Variants in RAMP1 observed in about 807,000 individuals in gnomAD.
The protein encoded by RAMP1 is receptor activity-modifying protein 1.
RAMP1 carries 7 observed loss-of-function variants against 8.2 expected under a neutral mutation model. That is an observed-to-expected ratio of 0.85 (90% CI 0.49 to 1.60). RAMP1 has a LOEUF of 1.60. Ranked by LOEUF, RAMP1 falls within the 40% of genes most tolerant of loss-of-function variation. The probability of loss-of-function intolerance (pLI) is 0.00; values close to 1 mark genes in which losing one functional copy is unlikely to be tolerated. For synonymous variants in RAMP1, 92 were observed against 84.7 expected (o/e 1.09, Z -0.47); for missense variants, 192 against 202.4 (o/e 0.95, Z 0.31).
rs1431117104 is a variant in RAMP1 at position 237,862,034 on chromosome 2, A to G, written c.52+2307A>G. Among the ~76,000 whole-genome samples, 1 of 152,056 alleles carries G rather than the reference A, an allele frequency of 6.6e-6. No homozygotes were observed. The highest frequency in any genetic ancestry group is 1.9e-4 in the East Asian group (1 of 5,194). ...CCCCTGGTTTTTCGAGTCCATCTTC[A>G]CTCAGGGAATGCTGGCTGGTGCTGT... On this transcript the variant is annotated intron_variant, in intron 1 of 2. Transcript: ENST00000254661. This position sits in a 1 kb window ranked among gnomAD's most constrained non-coding sequence, Gnocchi z 4.0.
At position 237,878,294 on chromosome 2, in the gene RAMP1, G is replaced by A. The variant is rs1160768381; in HGVS notation, c.191+932G>A. ...CCCTGGGGACTGGTGGGGAGGGCCAGGGGCAGGGAGGAGGGCCTCGGGAGG... is the reference window on the plus strand; with the variant it reads ...CCCTGGGGACTGGTGGGGAGGGCCAAGGGCAGGGAGGAGGGCCTCGGGAGG... On this transcript the variant is annotated intron_variant, in intron 2 of 2. Transcript: ENST00000254661. The surrounding 1 kb of genome is among the most constrained non-coding windows in gnomAD (Gnocchi z 5.7). Among the ~76,000 whole-genome samples the A allele has an allele frequency of 6.6e-6, 1 of 152,220 alleles. No homozygotes were observed. Among genetic ancestry groups the A allele is most frequent in the Non-Finnish European group, 1.5e-5 (1 of 68,026 alleles).
intron 2 of RAMP1, among the ~76,000 whole-genome samples, chr2:237,898,361 G>A (rs937982840): frequency 6.6e-6 from 1 of 152,158 alleles, no homozygotes; most frequent in Non-Finnish European, 1.5e-5. Flanking sequence ...GACTTCTAAT[G>A]CTTGGCCTTT....
intron 2 of RAMP1, among the ~76,000 whole-genome samples, chr2:237,905,080 A>G (rs949134640): frequency 6.6e-6 from 1 of 152,172 alleles, no homozygotes; most frequent in Admixed American, 6.5e-5. Flanking sequence ...GGATTCAGGA[A>G]CATTCCAAGC....
In RAMP1 at chr2:237,907,510, CT is replaced by C. The variant is rs1016222126; in HGVS notation, c.192-4010del. Among the ~76,000 whole-genome samples the C allele has an allele frequency of 3.3e-5, 5 of 151,838 alleles. No homozygotes were observed. In the Admixed American group the frequency reaches 3.3e-4, roughly 10 times the overall value. ...TCTTGGATGCTCTGGTTTTCCCTCA[CT>C]TTTTTTTCTCTTTGTGTTCCAGTTT... On this transcript the variant is annotated intron_variant, in intron 2 of 2. Transcript: ENST00000254661.
chr2:237,898,382 G>C (rs2062563538), intron 2 of RAMP1, among the ~76,000 whole-genome samples: 1 of 152,106 alleles, frequency 6.6e-6, no homozygotes, highest in Non-Finnish European at 1.5e-5. Context: ...TCCCTAGTTT[G>C]ATTGTACTCT....
chr2:237,882,600 C>T (rs933678770), intron 2 of RAMP1, among the ~76,000 whole-genome samples: 1 of 152,180 alleles, frequency 6.6e-6, no homozygotes, highest in African/African-American at 2.4e-5. Context: ...GGTGCTGCCT[C>T]CGTCCTGGCG....
intron 1 of RAMP1, among the ~76,000 whole-genome samples, chr2:237,867,970 TC>T (rs1417740551): frequency 1.3e-5 from 2 of 152,046 alleles, no homozygotes; most frequent in Non-Finnish European, 2.9e-5. Flanking sequence ...GGGGCCAGGC[TC>T]CTTTTCATGG....
chr2:237,887,405 G>A (rs759396662), intron 2 of RAMP1, among the ~76,000 whole-genome samples: 1 of 147,488 alleles, frequency 6.8e-6, no homozygotes, highest in Admixed American at 6.8e-5. Context: ...AGTATCTTGC[G>A]GGACCTAAGC....
intron 2 of RAMP1, among the ~76,000 whole-genome samples, chr2:237,906,876 C>T (rs2062656723): frequency 6.6e-6 from 1 of 152,020 alleles, no homozygotes; most frequent in Non-Finnish European, 1.5e-5. Context: ...GCATCTGCCA[C>T]CATGCCCAGC....
rs1022649150 is a variant in RAMP1 at position 237,877,911 on chromosome 2, G to A, written c.191+549G>A. ...CTCCTGCCCAAGGGCCCTTCTTCCCGCTTGAGGGGCTCCCTCATTGCCTCC... is the reference window on the plus strand; with the variant it reads ...CTCCTGCCCAAGGGCCCTTCTTCCCACTTGAGGGGCTCCCTCATTGCCTCC... On this transcript the variant is annotated intron_variant, in intron 2 of 2. Transcript: ENST00000254661. The surrounding 1 kb of genome is among the most constrained non-coding windows in gnomAD (Gnocchi z 4.4). 27 of 975,636 alleles carry A rather than the reference G, an allele frequency of 2.8e-5. No individual in the cohort carries two copies. The East Asian group carries it at 4.6e-4, about 16-fold the overall frequency. The allele number at this position is 975,636 out of a possible 1,614,324, so 60.4% of individuals were successfully genotyped here.
At chr2:237,896,954 G>C (rs575722821) in intron 2 of RAMP1, among the ~76,000 whole-genome samples, 1 of 152,314 alleles carries the variant, frequency 6.6e-6, no homozygotes, top group East Asian at 1.9e-4. Flanking sequence ...CAGCCTCTTA[G>C]ACTTTTGGAC....
At chr2:237,870,912 G>T (rs1390517481) in intron 1 of RAMP1, among the ~76,000 whole-genome samples, 3 of 152,240 alleles carry the variant, frequency 2.0e-5, no homozygotes, top group African/African-American at 7.2e-5. Context: ...CACAAAGCAG[G>T]CACTTCGTGG....
rs201321915 is a variant in RAMP1, at chr2:237,868,592, A to C, written c.53-8632A>C. Among the ~76,000 whole-genome samples, 323 of 54,384 alleles carry C rather than the reference A, an allele frequency of 5.9e-3. 3 individuals carry two copies. The highest frequency in any genetic ancestry group is 0.027 in the African/African-American group (114 of 4,172). 35.7% of individuals were successfully genotyped at this position (54,384 alleles called of 152,430 possible). ...CTCCCCCCACCAAAAAAAAAAAACAAAAAAAAAAAAACAGTTCCTGAGTTT... is the reference window on the plus strand; with the variant it reads ...CTCCCCCCACCAAAAAAAAAAAACACAAAAAAAAAAACAGTTCCTGAGTTT... On this transcript the variant is annotated intron_variant, in intron 1 of 2. Coordinates refer to ENST00000254661, the MANE Select transcript of RAMP1 (RefSeq NM_005855.4).
intron 2 of RAMP1, among the ~76,000 whole-genome samples, chr2:237,882,406 A>G (rs1220146720): frequency 6.6e-6 from 1 of 152,230 alleles, no homozygotes; most frequent in African/African-American, 2.4e-5. Flanking sequence ...TCGAGCACGT[A>G]ACGTACATTG....
Position 237,911,706 on chromosome 2 carries a change from G to C in RAMP1, c.370G>C (p.Val124Leu), listed in dbSNP as rs757584759. The C allele has an allele frequency of 6.2e-7, 1 of 1,613,882 alleles. No individual in the cohort carries two copies. The highest frequency in any genetic ancestry group is 1.1e-5 in the South Asian group (1 of 91,036). Residue 124 changes from valine (V) to leucine (L), a missense_variant, in exon 3 of 3, where the codon GTG (valine) becomes CTG (leucine). Coordinates refer to ENST00000254661, the MANE Select transcript of RAMP1 (RefSeq NM_005855.4). Reference protein sequence around the residue: ...PPGSILYPFIVVPITVTLLVT... With the variant: ...PPGSILYPFILVPITVTLLVT... ...CGGCAGCATCCTCTACCCCTTCATC[G>C]TGGTCCCCATCACGGTGACCCTGCT... is the stretch of plus-strand genomic sequence containing the variant.
intron 1 of RAMP1, among the ~76,000 whole-genome samples, chr2:237,870,610 TA>T (rs964377428): frequency 3.9e-5 from 6 of 152,200 alleles, no homozygotes; most frequent in Non-Finnish European, 8.8e-5. Context: ...TTTTATGACT[TA>T]AAAAAATGAG....
intron 2 of RAMP1, among the ~76,000 whole-genome samples, chr2:237,908,410 CTGGTGGTGGTGG>C (rs1553740387): frequency 6.7e-6 from 1 of 149,126 alleles, no homozygotes; most frequent in African/African-American, 2.5e-5. Context: ...GAAGAGACCT[CTGGTGGTGGTGG>C]TGGTGGTGGT....
At chr2:237,904,579 G>A (rs2062635740) in intron 2 of RAMP1, among the ~76,000 whole-genome samples, 2 of 152,172 alleles carry the variant, frequency 1.3e-5, no homozygotes, top group Admixed American at 6.5e-5. Flanking sequence ...CTGCACTCCA[G>A]CCCGAGCAAC....
At chr2:237,909,224 G>C (rs2062683877) in intron 2 of RAMP1, among the ~76,000 whole-genome samples, 1 of 152,186 alleles carries the variant, frequency 6.6e-6, no homozygotes, top group Non-Finnish European at 1.5e-5. Flanking sequence ...GGTGAGGTGT[G>C]AGACCCGTGC....
Sources: allele counts gnomAD v4.1 joint callset (sites outside exome capture counted in the v4.1 genomes callset), GRCh38; gene constraint gnomAD v4.1.1; non-coding constraint Gnocchi (gnomAD v3.1); transcripts MANE v1.5; gene names NCBI Gene and HGNC (gene_info 2026-07-23, HGNC 2026-07-21).